Variants in CMSS1 observed in about 807,000 individuals in gnomAD.
CMSS1 encodes the protein cms1 ribosomal small subunit homolog, also known as protein CMSS1.
A neutral mutation model predicts 43.5 loss-of-function variants in CMSS1; 33 were observed. The ratio of observed to expected loss-of-function variants is 0.76; its 90% CI spans 0.57 to 1.01. The LOEUF is 1.01. CMSS1 is among the 50% of genes least tolerant of loss of function. The pLI, the probability that CMSS1 is intolerant of heterozygous loss-of-function variation, is 0.00. For synonymous variants in CMSS1, 115 were observed against 117.2 expected (o/e 0.98, Z 0.12); for missense variants, 313 against 326.4 (o/e 0.96, Z 0.32).
At chr3:100,003,380 G>T (rs532292429) in intron 1 of CMSS1, among the ~76,000 whole-genome samples, 1 of 152,170 alleles carries the variant, frequency 6.6e-6, no homozygotes. Context: ...CCCTTACGTG[G>T]TTGTTTTGTC....
chr3:99,878,522 G>A lies in CMSS1; in HGVS notation c.64+60479G>A, dbSNP rs116759272. 5.7e-3 allele frequency among the ~76,000 whole-genome samples: 874 copies of A among 152,284 alleles called. 11 individuals are homozygous for A. The highest frequency in any genetic ancestry group is 0.016 in the African/African-American group (675 of 41,544). On this transcript the variant is annotated intron_variant, in intron 1 of 9. Coordinates refer to ENST00000421999, the MANE Select transcript of CMSS1 (RefSeq NM_032359.4). The stretch of plus-strand genomic sequence containing the variant: ...TAGTCTTGTCTTCTCCTAATAGTTT[G>A]TTCAGAATCTCTCAGAGGTATGTTT...
chr3:100,037,963 G>GA (rs2065138080), intron 1 of CMSS1, among the ~76,000 whole-genome samples: 1 of 127,098 alleles, frequency 7.9e-6, no homozygotes. Context: ...TTTTGGGGGG[G>GA]GAGGGAACAG....
intron 1 of CMSS1, among the ~76,000 whole-genome samples, chr3:99,961,831 A>G (rs968032722): frequency 1.1e-4 from 17 of 152,096 alleles, no homozygotes; most frequent in Middle Eastern, 3.4e-3. Flanking sequence ...CTATTTTCTT[A>G]TGTCATAGTT....
intron 1 of CMSS1, chr3:99,924,402 T>G (rs1446232606): frequency 6.2e-7 from 1 of 1,613,814 alleles, no homozygotes; most frequent in Non-Finnish European, 8.5e-7. Context: ...TCCACAACTT[T>G]GTCCAACTAC....
intron 1 of CMSS1, among the ~76,000 whole-genome samples, chr3:100,036,243 T>TAAGA (rs1372355493): frequency 2.6e-5 from 4 of 152,180 alleles, no homozygotes; most frequent in African/African-American, 4.8e-5. Flanking sequence ...ATAAAGCTTC[T>TAAGA]ACATCTCATT....
At chr3:99,838,121 A>G (rs146358815) in intron 1 of CMSS1, among the ~76,000 whole-genome samples, 2 of 152,310 alleles carry the variant, frequency 1.3e-5, no homozygotes, top group African/African-American at 2.4e-5. Flanking sequence ...CCCTTTGCTT[A>G]TAGAATCTTA....
intron 1 of CMSS1, among the ~76,000 whole-genome samples, chr3:99,842,679 G>A (rs2107508711): frequency 6.6e-6 from 1 of 152,316 alleles, no homozygotes; most frequent in African/African-American, 2.4e-5. Flanking sequence ...TTTTGACAAT[G>A]AAATTTTAAA....
At chr3:99,924,315 C>A (rs1707218946) in intron 1 of CMSS1, 2 of 1,613,900 alleles carry the variant, frequency 1.2e-6, no homozygotes, top group Non-Finnish European at 1.7e-6. Flanking sequence ...TCCTCCAACT[C>A]CAATATGGTT....
intron 1 of CMSS1, among the ~76,000 whole-genome samples, chr3:99,980,928 A>G (rs931688724): frequency 9.9e-5 from 15 of 152,264 alleles, no homozygotes; most frequent in Non-Finnish European, 1.6e-4. Flanking sequence ...AATACTGGCT[A>G]TGTACCCATG....
chr3:99,940,832 AGAG>A (rs1278461928), intron 1 of CMSS1, among the ~76,000 whole-genome samples: 1 of 152,250 alleles, frequency 6.6e-6, no homozygotes, highest in African/African-American at 2.4e-5. Flanking sequence ...CAGGTGATTC[AGAG>A]GAGGTCAAGA....
intron 1 of CMSS1, among the ~76,000 whole-genome samples, chr3:100,081,912 T>C (rs571093970): frequency 1.6e-4 from 24 of 152,244 alleles, no homozygotes; most frequent in African/African-American, 5.3e-4. Context: ...TAAAAATGTC[T>C]CCAGACACTG....
chr3:99,924,262 T>C (rs371850366), intron 1 of CMSS1: 155 of 1,613,902 alleles, frequency 9.6e-5, no homozygotes, highest in Non-Finnish European at 1.2e-4. Flanking sequence ...GGCATATGAA[T>C]TCATCACTCT....
intron 1 of CMSS1, among the ~76,000 whole-genome samples, chr3:100,104,519 A>G (rs1246655967): frequency 6.6e-6 from 1 of 152,218 alleles, no homozygotes; most frequent in African/African-American, 2.4e-5. Flanking sequence ...TTAAAGAACA[A>G]TGGCTTGGAA....
intron 1 of CMSS1, among the ~76,000 whole-genome samples, chr3:99,917,095 T>G (rs1234040945): frequency 6.6e-6 from 1 of 152,226 alleles, no homozygotes; most frequent in East Asian, 1.9e-4. Flanking sequence ...TTTGGCTACC[T>G]GTTTTATAGG....
intron 2 of CMSS1, among the ~76,000 whole-genome samples, chr3:100,156,102 T>G (rs2066970048): frequency 6.6e-6 from 1 of 151,886 alleles, no homozygotes; most frequent in Non-Finnish European, 1.5e-5. Context: ...TTTTTAAATT[T>G]TATTTTGTCA....
chr3:100,119,495 C>T (rs991200753), intron 1 of CMSS1, among the ~76,000 whole-genome samples: 16 of 152,230 alleles, frequency 1.1e-4, no homozygotes, highest in Admixed American at 8.5e-4. Flanking sequence ...CTCTCCCCCA[C>T]TAATGGGAAG....
chr3:99,988,341 C>CAAAAAAAAAA (rs63321762), intron 1 of CMSS1, among the ~76,000 whole-genome samples: 43 of 62,146 alleles, frequency 6.9e-4, no homozygotes, highest in African/African-American at 1.5e-3. Flanking sequence ...ACTAAAAATC[C>CAAAAAAAAAA]AAAAAAAAAA....
At chr3:99,986,899 A>C (rs565269260) in intron 1 of CMSS1, among the ~76,000 whole-genome samples, 5 of 152,328 alleles carry the variant, frequency 3.3e-5, no homozygotes, top group African/African-American at 1.2e-4. Context: ...ACCCTGATCT[A>C]GTTAGGAGGA....
In CMSS1 at chr3:100,044,480, G is replaced by A. The variant is rs182825081; in HGVS notation, c.65-102493G>A. Among the ~76,000 whole-genome samples the A allele has an allele frequency of 1.6e-4, 24 of 152,262 alleles. No homozygotes were observed. The East Asian group carries it at 3.7e-3, about 23-fold the overall frequency. ...AAACAGAGTATACAAGAGCATCACA[G>A]GCTAAAGGACAGCTTGCTCCAAGAA... On this transcript the variant is annotated intron_variant, in intron 1 of 9. Transcript: ENST00000421999.
Sources: allele counts gnomAD v4.1 joint callset (sites outside exome capture counted in the v4.1 genomes callset), GRCh38; gene constraint gnomAD v4.1.1; transcripts MANE v1.5; gene names NCBI Gene and HGNC (gene_info 2026-07-23, HGNC 2026-07-21).